EXPH5: variants seen among roughly 807,000 people sequenced by gnomAD.
EXPH5 encodes the protein exophilin-5.
A neutral mutation model predicts 41.1 loss-of-function variants in EXPH5; 42 were observed. The observed-to-expected ratio is 1.02, with a 90% CI of 0.80 to 1.32. The LOEUF is 1.32. Among genes scored for constraint, EXPH5 ranks in the 40% most tolerant of loss-of-function variants. The pLI, the probability that EXPH5 is intolerant of heterozygous loss-of-function variation, is 0.00. For missense variants in EXPH5, 2,298 were observed against 2,314.5 expected (o/e 0.99, Z 0.15); for synonymous variants, 798 against 833.5 (o/e 0.96, Z 0.73).
At chr11:108,592,567 G>T (rs2094129878) in intron 1 of EXPH5, among the ~76,000 whole-genome samples, 1 of 152,118 alleles carries the variant, frequency 6.6e-6, no homozygotes, top group Non-Finnish European at 1.5e-5. Context: ...TTCCAATATT[G>T]GCGAGAGAGT....
intron 1 of EXPH5, among the ~76,000 whole-genome samples, chr11:108,556,266 C>T (rs991229416): frequency 4.0e-5 from 6 of 150,936 alleles, no homozygotes; most frequent in African/African-American, 1.2e-4. Flanking sequence ...GGGCCCTTTG[C>T]GATTAGTTGT....
In EXPH5 at chr11:108,511,418, A is replaced by G; in HGVS notation, c.4089T>C (p.Ala1363=). 1 of 1,591,064 alleles carries G rather than the reference A, an allele frequency of 6.3e-7. No homozygotes were observed. The highest frequency in any genetic ancestry group is 8.5e-7 in the Non-Finnish European group (1 of 1,171,606). Residue 1363 remains alanine, a synonymous_variant, in exon 6 of 6, where the codon GCT becomes GCC. Transcript: ENST00000265843. ...AVSLPEEESK[A]REIFSDNLAK... The stretch of plus-strand genomic sequence containing the variant: ...CTAAATTATCTGAAAAAATCTCTCT[A>G]GCTTTAGATTCCTCTTCAGGAAGAG...
At chr11:108,585,105 C>G (rs1413918691) in intron 1 of EXPH5, among the ~76,000 whole-genome samples, 1 of 152,128 alleles carries the variant, frequency 6.6e-6, no homozygotes. Context: ...TTAGCAGATA[C>G]TTCCCCAAAG....
At chr11:108,584,189 A>G (rs980561438) in intron 1 of EXPH5, among the ~76,000 whole-genome samples, 6 of 152,196 alleles carry the variant, frequency 3.9e-5, no homozygotes, top group African/African-American at 1.4e-4. Flanking sequence ...TAAATAATTC[A>G]TTCTGGCTGG....
intron 1 of EXPH5, among the ~76,000 whole-genome samples, chr11:108,544,781 C>T (rs2093929965): frequency 6.6e-6 from 1 of 152,116 alleles, no homozygotes; most frequent in Non-Finnish European, 1.5e-5. Flanking sequence ...GAAAATACAA[C>T]ATTTATCTAT....
At chr11:108,550,677 G>A (rs919289407) in intron 1 of EXPH5, among the ~76,000 whole-genome samples, 3 of 152,134 alleles carry the variant, frequency 2.0e-5, no homozygotes, top group Non-Finnish European at 4.4e-5. Flanking sequence ...TACTCGGGAG[G>A]CTGAGGCAGG....
chr11:108,565,062 C>T (rs758416247), intron 1 of EXPH5, among the ~76,000 whole-genome samples: 1 of 151,886 alleles, frequency 6.6e-6, no homozygotes, highest in Non-Finnish European at 1.5e-5. Context: ...CCCACCACCA[C>T]GCCTGGCTAA....
chr11:108,586,270 A>G (rs998565889), intron 1 of EXPH5, among the ~76,000 whole-genome samples: 9 of 152,302 alleles, frequency 5.9e-5, no homozygotes, highest in African/African-American at 1.9e-4. Context: ...ATTTATACAT[A>G]CGACAACCTG....
chr11:108,510,474 A>G lies in EXPH5; in HGVS notation c.5033T>C (p.Leu1678Pro). The G allele has an allele frequency of 6.2e-7, 1 of 1,614,160 alleles. No individual in the cohort carries two copies. Among genetic ancestry groups the G allele is most frequent in the Non-Finnish European group, 8.5e-7 (1 of 1,180,032 alleles). Residue 1678 changes from leucine to proline, a missense_variant, in exon 6 of 6, where the codon CTA (leucine) becomes CCA (proline). By Grantham distance (98) the Leu-to-Pro change is moderately conservative. Transcript: ENST00000265843. ...KSENLLPITVLPNREPSTHVS... is the reference protein window; with the variant it reads ...KSENLLPITVPPNREPSTHVS... ...GTGTGTAGAAGGTTCTCTGTTGGGT[A>G]GTACAGTAATGGGGAGAAGGTTCTC...
At chr11:108,521,052 C>T (rs535373607) in intron 4 of EXPH5, among the ~76,000 whole-genome samples, 1 of 152,248 alleles carries the variant, frequency 6.6e-6, no homozygotes, top group East Asian at 1.9e-4. Flanking sequence ...CTCATGACTC[C>T]ACTTTAGCTC....
intron 1 of EXPH5, among the ~76,000 whole-genome samples, chr11:108,586,051 G>A (rs1398764751): frequency 6.6e-6 from 1 of 152,174 alleles, no homozygotes; most frequent in Non-Finnish European, 1.5e-5. Context: ...TGATTCTCCT[G>A]CTTCAGCTTC....
At position 108,511,495 on chromosome 11, in the gene EXPH5, C is replaced by T. The variant is rs963933501; in HGVS notation, c.4012G>A (p.Gly1338Arg). 2 of 1,589,896 alleles carry T rather than the reference C, an allele frequency of 1.3e-6. No homozygotes were observed. The highest frequency in any genetic ancestry group is 1.7e-6 in the Non-Finnish European group (2 of 1,171,294). The change falls in exon 6 of 6, where the codon GGG becomes AGG. Residue 1338 changes from glycine to arginine, a missense_variant. Gly to Arg is a moderately radical substitution (Grantham distance 125, BLOSUM62 -2). Transcript: ENST00000265843. ...NMTAFRLSNR[G>R]PLAPTLQEMA... The stretch of plus-strand genomic sequence containing the variant: ...TCCTGTAATGTAGGAGCTAGGGGCC[C>T]CCTATTTGATAATCGGAAGGCAGTC...
intron 1 of EXPH5, among the ~76,000 whole-genome samples, chr11:108,586,074 G>C (rs1445840379): frequency 1.3e-5 from 2 of 152,098 alleles, no homozygotes. Flanking sequence ...GAGTAGCTGG[G>C]ACCACAGACG....
chr11:108,532,371 T>TATATATATATACA (rs1565800778), intron 3 of EXPH5, among the ~76,000 whole-genome samples: 2 of 54,696 alleles, frequency 3.7e-5, no homozygotes, highest in African/African-American at 2.4e-4. Context: ...TATATATTTT[T>TATATATATATACA]TTTTTTTTTT....
At chr11:108,523,932 A>G (rs2093781171) in intron 4 of EXPH5, among the ~76,000 whole-genome samples, 2 of 152,258 alleles carry the variant, frequency 1.3e-5, no homozygotes, top group Non-Finnish European at 1.5e-5. Flanking sequence ...ACATTGAGAC[A>G]CTGAAGATTT....
At chr11:108,603,112 C>T in the EXPH5 span, among the ~76,000 whole-genome samples, 1 of 152,174 alleles carries the variant, frequency 6.6e-6, no homozygotes, top group East Asian at 1.9e-4. Flanking sequence ...TTGTCTTCTG[C>T]CACGATTGTG....
chr11:108,556,036 A>G (rs2093988374), intron 1 of EXPH5, among the ~76,000 whole-genome samples: 2 of 152,220 alleles, frequency 1.3e-5, no homozygotes, highest in African/African-American at 4.8e-5. Context: ...CAAAATTCCA[A>G]CAAAATGAGT....
At chr11:108,521,736 A>C (rs893730179) in intron 4 of EXPH5, among the ~76,000 whole-genome samples, 15 of 152,214 alleles carry the variant, frequency 9.9e-5, no homozygotes, top group Non-Finnish European at 1.6e-4. Context: ...AATTAGTTAC[A>C]GATCTTATAA....
At position 108,514,209 on chromosome 11, in the gene EXPH5, A is replaced by C; in HGVS notation, c.1298T>G (p.Met433Arg). ...VYQRVSLNAP[M>R]ENAMSPDTFE... ...AGTGTCGGGACTCATTGCATTCTCC[A>C]TGGGAGCATTTAAACTAACACGTTG... Residue 433 changes from methionine to arginine, a missense_variant, in exon 6 of 6, where the codon ATG (methionine) becomes AGG (arginine). By Grantham distance (91) the Met-to-Arg change is moderately conservative. Transcript: ENST00000265843. 6.2e-7 allele frequency: 1 copy of C among 1,614,222 alleles called. No homozygotes were observed. Among genetic ancestry groups the C allele is most frequent in the Non-Finnish European group, 8.5e-7 (1 of 1,180,044 alleles).
Sources: allele counts gnomAD v4.1 joint callset (sites outside exome capture counted in the v4.1 genomes callset), GRCh38; gene constraint gnomAD v4.1.1; transcripts MANE v1.5; gene names NCBI Gene and HGNC (gene_info 2026-07-23, HGNC 2026-07-21).